IQGAP2: variants seen among roughly 807,000 people sequenced by gnomAD.
IQGAP2 encodes the protein ras GTPase-activating-like protein IQGAP2.
In IQGAP2, 173 loss-of-function variants were observed where a neutral mutation model predicts 201.3. The ratio of observed to expected loss-of-function variants is 0.86; its 90% CI spans 0.76 to 0.98. The LOEUF is 0.98. Ranked by LOEUF, IQGAP2 falls within the 50% of genes least tolerant of loss-of-function variation. The pLI is 0.00. For synonymous variants in IQGAP2, 675 were observed against 673.9 expected, an observed-to-expected ratio of 1.00 and a Z score of -0.03; for missense variants, 1,687 against 1,864.8, an observed-to-expected ratio of 0.90 and a Z score of 1.76.
intron 1 of IQGAP2, among the ~76,000 whole-genome samples, chr5:76,426,921 T>TGTGTGTGTGTGTGTGA (rs1752038511): frequency 6.6e-6 from 1 of 151,722 alleles, no homozygotes; most frequent in Middle Eastern, 3.2e-3. Context: ...TGTGTGTGTG[T>TGTGTGTGTGTGTGTGA]GTGTGTGTGT....
At chr5:76,551,456 G>C (rs555193415) in intron 2 of IQGAP2, among the ~76,000 whole-genome samples, 1 of 152,076 alleles carries the variant, frequency 6.6e-6, no homozygotes, top group Admixed American at 6.5e-5. Context: ...ACAGGGTGGC[G>C]GCCGGGCAGA....
chr5:76,463,500 G>C (rs1409981118), intron 2 of IQGAP2, among the ~76,000 whole-genome samples: 1 of 152,192 alleles, frequency 6.6e-6, no homozygotes, highest in Non-Finnish European at 1.5e-5. Context: ...ATTTAAAGAA[G>C]GTGAAAGTAT....
intron 2 of IQGAP2, among the ~76,000 whole-genome samples, chr5:76,498,836 T>C (rs894018318): frequency 1.3e-5 from 2 of 152,198 alleles, no homozygotes; most frequent in Non-Finnish European, 2.9e-5. Flanking sequence ...AGAGACAATG[T>C]TGATACATCT....
At chr5:76,469,105 C>T (rs1009252527) in intron 2 of IQGAP2, among the ~76,000 whole-genome samples, 1 of 152,118 alleles carries the variant, frequency 6.6e-6, no homozygotes, top group Admixed American at 6.6e-5. Context: ...GCCAGCCTAG[C>T]GGTAATCTTT....
chr5:76,620,255 T>G (rs757294587), intron 13 of IQGAP2, among the ~76,000 whole-genome samples: 10 of 152,118 alleles, frequency 6.6e-5, no homozygotes, highest in Non-Finnish European at 1.0e-4. Context: ...GGGACCTGAT[T>G]TGGAGGCTAC....
At chr5:76,533,802 T>C (rs925655954) in intron 2 of IQGAP2, among the ~76,000 whole-genome samples, 2 of 152,218 alleles carry the variant, frequency 1.3e-5, no homozygotes, top group African/African-American at 4.8e-5. Context: ...CCTCCCAAAG[T>C]GCTGGGATTA....
chr5:76,570,502 C>A, intron 3 of IQGAP2, 78 bp from the exon 4 acceptor site: 1 of 926,646 alleles, frequency 1.1e-6, no homozygotes, highest in Non-Finnish European at 1.8e-6. Context: ...GCATCCTGTA[C>A]ATGAAAAAAG....
At chr5:76,572,181 T>G (rs1339297559) in intron 4 of IQGAP2, among the ~76,000 whole-genome samples, 1 of 152,182 alleles carries the variant, frequency 6.6e-6, no homozygotes, top group African/African-American at 2.4e-5. Context: ...GGTCAATAGC[T>G]TGCTCCTATG....
intron 2 of IQGAP2, among the ~76,000 whole-genome samples, chr5:76,543,434 A>C (rs114054962): frequency 6.6e-6 from 1 of 152,304 alleles, no homozygotes; most frequent in African/African-American, 2.4e-5. Context: ...CGGGCCTCAG[A>C]GCCTAGGTGG....
chr5:76,434,071 C>A (rs1003235815), intron 1 of IQGAP2, among the ~76,000 whole-genome samples: 1 of 152,160 alleles, frequency 6.6e-6, no homozygotes, highest in African/African-American at 2.4e-5. Flanking sequence ...AAAAAATAAT[C>A]TAAAAGTAAT....
intron 22 of IQGAP2, among the ~76,000 whole-genome samples, chr5:76,665,672 C>A (rs1431766805): frequency 6.6e-6 from 1 of 152,098 alleles, no homozygotes. Flanking sequence ...AATAATATTT[C>A]TTTTTTCTTG....
At chr5:76,416,671 G>T (rs1031092626) in intron 1 of IQGAP2, among the ~76,000 whole-genome samples, 1 of 152,080 alleles carries the variant, frequency 6.6e-6, no homozygotes, top group African/African-American at 2.4e-5. Flanking sequence ...GGGACTACAG[G>T]CGCATGCCAC....
At chr5:76,659,692 T>G (rs1743086490) in intron 21 of IQGAP2, among the ~76,000 whole-genome samples, 1 of 152,154 alleles carries the variant, frequency 6.6e-6, no homozygotes, top group Admixed American at 6.5e-5. Context: ...TGAGGGCAAT[T>G]ATTTACACAA....
intron 2 of IQGAP2, among the ~76,000 whole-genome samples, chr5:76,496,751 T>TTC (rs1561416397): frequency 2.7e-5 from 2 of 72,826 alleles, no homozygotes; most frequent in Non-Finnish European, 5.6e-5. Context: ...CTTTCTTTCT[T>TTC]TCTTTCTTTC....
At chr5:76,497,310 G>T (rs1757046019) in intron 2 of IQGAP2, among the ~76,000 whole-genome samples, 1 of 152,118 alleles carries the variant, frequency 6.6e-6, no homozygotes, top group African/African-American at 2.4e-5. Context: ...TGAAAACGTG[G>T]CTGTCTGATA....
intron 9 of IQGAP2, among the ~76,000 whole-genome samples, chr5:76,596,475 A>T (rs1199895168): frequency 6.6e-6 from 1 of 152,166 alleles, no homozygotes; most frequent in African/African-American, 2.4e-5. Flanking sequence ...TTTCTTTATA[A>T]TCTGCACCTT....
intron 5 of IQGAP2, among the ~76,000 whole-genome samples, chr5:76,580,561 C>CT (rs542929451): frequency 2.9e-4 from 44 of 152,256 alleles, no homozygotes; most frequent in African/African-American, 9.9e-4. Context: ...CTATTTATCT[C>CT]TTTTTTTTAT....
chr5:76,671,645 A>C, intron 23 of IQGAP2, 114 bp from the exon 24 acceptor site: 1 of 707,378 alleles, frequency 1.4e-6, no homozygotes, highest in Middle Eastern at 4.1e-4. Flanking sequence ...CCAAGATCAC[A>C]CCACTGCACT....
chr5:76,416,538 T>G (rs900890763), intron 1 of IQGAP2, among the ~76,000 whole-genome samples: 5 of 152,026 alleles, frequency 3.3e-5, no homozygotes, highest in Non-Finnish European at 5.9e-5. Flanking sequence ...GAGCTTTTTT[T>G]TTTTTGAGAC....
Sources: allele counts gnomAD v4.1 joint callset (sites outside exome capture counted in the v4.1 genomes callset), GRCh38; gene constraint gnomAD v4.1.1; transcripts MANE v1.5; gene names NCBI Gene and HGNC (gene_info 2026-07-23, HGNC 2026-07-21).